Variants in SPATA13 observed in about 807,000 individuals in gnomAD.
SPATA13 encodes spermatogenesis-associated protein 13.
A neutral mutation model predicts 104.0 loss-of-function variants in SPATA13; 50 were observed. The observed-to-expected ratio is 0.48, with a 90% CI of 0.38 to 0.61. The LOEUF is 0.61. SPATA13 is among the 20% of genes least tolerant of loss of function. The pLI is 0.00. For synonymous variants in SPATA13, 606 were observed against 667.5 expected (o/e 0.91, Z 1.42); for missense variants, 1,524 against 1,690.6 (o/e 0.90, Z 1.73).
intron 3 of SPATA13, among the ~76,000 whole-genome samples, chr13:24,020,783 C>G (rs1876939971): frequency 6.6e-6 from 1 of 152,104 alleles, no homozygotes; most frequent in Admixed American, 6.6e-5. Context: ...ATGACTCATG[C>G]CTATAATTCC....
chr13:24,149,327 G>A (rs1009229666), intron 3 of SPATA13, among the ~76,000 whole-genome samples: 44 of 152,220 alleles, frequency 2.9e-4, no homozygotes, highest in South Asian at 2.1e-4. Context: ...GGTTGGCATC[G>A]TTTGTCATTC....
At chr13:24,063,268 A>G (rs1313819205) in intron 3 of SPATA13, among the ~76,000 whole-genome samples, 2 of 152,214 alleles carry the variant, frequency 1.3e-5, no homozygotes, top group African/African-American at 2.4e-5. Flanking sequence ...CTAGGGATTC[A>G]TAGGAGGAGT....
intron 3 of SPATA13, among the ~76,000 whole-genome samples, chr13:24,147,856 T>A (rs557859813): frequency 6.6e-6 from 1 of 152,156 alleles, no homozygotes; most frequent in Non-Finnish European, 1.5e-5. Flanking sequence ...ACGGGATTGG[T>A]CTTTTTGTGA....
chr13:24,159,659 G>A (rs1882385536), upstream of SPATA13, among the ~76,000 whole-genome samples: 1 of 152,140 alleles, frequency 6.6e-6, no homozygotes, highest in Admixed American at 6.5e-5. Flanking sequence ...TTTGAGAAAT[G>A]CATAATGACA....
At chr13:24,171,845 C>A (rs1882983123) in intron 1 of SPATA13, among the ~76,000 whole-genome samples, 1 of 152,138 alleles carries the variant, frequency 6.6e-6, no homozygotes, top group African/African-American at 2.4e-5. Context: ...ACTGGTTGGC[C>A]TAAGAAAAGC....
intron 3 of SPATA13, among the ~76,000 whole-genome samples, chr13:24,043,703 A>G (rs992132691): frequency 2.0e-5 from 3 of 152,188 alleles, no homozygotes; most frequent in Non-Finnish European, 4.4e-5. Context: ...GCCTTATGCC[A>G]AAGGGAAAGG....
intron 4 of SPATA13, among the ~76,000 whole-genome samples, chr13:24,277,661 T>A (rs868002436): frequency 4.5e-4 from 68 of 152,086 alleles, no homozygotes; most frequent in African/African-American, 1.5e-3. Context: ...GGAACCTCAG[T>A]TTCCACATCA....
rs149734599 is a variant in SPATA13, at chr13:24,063,634, G to C, written c.-112+45933G>C. ...TGCCATCCAATTACACAGCTTCCCT[G>C]AGCCCACTCAAGTGGGGGCGGCTCC... On this transcript the variant is annotated intron_variant, in intron 3 of 14. Transcript: ENST00000424834. Among the ~76,000 whole-genome samples, 875 of 152,186 alleles carry C rather than the reference G, an allele frequency of 5.7e-3. 10 individuals carry two copies. The highest frequency in any genetic ancestry group is 0.02 in the African/African-American group (828 of 41,516).
At chr13:24,157,845 C>G, upstream of SPATA13, among the ~76,000 whole-genome samples, 1 of 152,158 alleles carries the variant, frequency 6.6e-6, no homozygotes, top group South Asian at 2.1e-4. Context: ...GAGATCAAAT[C>G]CTGGCTCCAC....
chr13:24,024,424 A>G (rs1051527393), intron 3 of SPATA13, among the ~76,000 whole-genome samples: 11 of 151,930 alleles, frequency 7.2e-5, no homozygotes, highest in African/African-American at 2.7e-4. Context: ...TGCTGACTAA[A>G]GAAGAAGAAA....
chr13:24,035,755 T>TCTCTCCCAGCACTTTAGGA (rs1877655034), intron 3 of SPATA13, among the ~76,000 whole-genome samples: 1 of 152,188 alleles, frequency 6.6e-6, no homozygotes, highest in African/African-American at 2.4e-5. Context: ...GGCGCACACC[T>TCTCTCCCAGCACTTTAGGA]GTTCTCCCAG....
chr13:24,101,398 T>G (rs1880253741), intron 3 of SPATA13, among the ~76,000 whole-genome samples: 1 of 152,234 alleles, frequency 6.6e-6, no homozygotes, highest in Admixed American at 6.5e-5. Context: ...GCCCATGGTT[T>G]GCTTATTTGT....
chr13:24,288,884 A>G (rs890921267), intron 7 of SPATA13, 115 bp from the exon 8 acceptor site: 11 of 882,594 alleles, frequency 1.2e-5, no homozygotes, highest in African/African-American at 3.4e-5. Context: ...AGACTCATAG[A>G]GTCTTTTTAA....
At chr13:24,022,959 C>CT (rs1449529475) in intron 3 of SPATA13, among the ~76,000 whole-genome samples, 2 of 151,826 alleles carry the variant, frequency 1.3e-5, no homozygotes, top group Non-Finnish European at 1.5e-5. Flanking sequence ...TATTATTATA[C>CT]TTTAAGTTCT....
chr13:23,991,339 C>G (rs1051292871), intron 2 of SPATA13, among the ~76,000 whole-genome samples: 10 of 152,180 alleles, frequency 6.6e-5, no homozygotes, highest in Admixed American at 1.3e-4. Flanking sequence ...AATGTAGTCA[C>G]TGATTTGGGA....
intron 3 of SPATA13, among the ~76,000 whole-genome samples, chr13:24,113,416 A>T (rs1252051673): frequency 6.6e-6 from 1 of 152,136 alleles, no homozygotes; most frequent in Non-Finnish European, 1.5e-5. Context: ...CAGCCTGGCC[A>T]ACATGGAGAA....
At chr13:24,268,854 T>C (rs1874414369) in intron 4 of SPATA13, among the ~76,000 whole-genome samples, 1 of 152,228 alleles carries the variant, frequency 6.6e-6, no homozygotes, top group Non-Finnish European at 1.5e-5. Context: ...TAGTGCGGGT[T>C]ACTAAGGCTA....
chr13:24,156,381 C>T (rs74426513), upstream of SPATA13, among the ~76,000 whole-genome samples: 1,416 of 152,218 alleles, frequency 9.3e-3, 24 homozygotes, highest in African/African-American at 0.032. Context: ...GCCCTGTCTC[C>T]GAGCAGACAG....
chr13:24,206,127 G>T (rs1870684752), intron 1 of SPATA13, among the ~76,000 whole-genome samples: 1 of 152,092 alleles, frequency 6.6e-6, no homozygotes, highest in African/African-American at 2.4e-5. Context: ...AACCAACAGT[G>T]TGAAGAGACA....
Sources: allele counts gnomAD v4.1 joint callset (sites outside exome capture counted in the v4.1 genomes callset), GRCh38; gene constraint gnomAD v4.1.1; transcripts MANE v1.5; gene names NCBI Gene and HGNC (gene_info 2026-07-23, HGNC 2026-07-21).